The following USP6NL variants were observed in gnomAD, a reference collection of about 807,000 sequenced individuals.
USP6NL encodes the protein USP6 N-terminal-like protein.
Under a neutral mutation model 61.9 loss-of-function variants are expected in USP6NL, and 26 were observed. That is an observed-to-expected ratio of 0.42 (90% CI 0.31 to 0.58). The LOEUF is 0.58. Ranked by LOEUF, USP6NL falls within the 20% of genes least tolerant of loss-of-function variation. USP6NL has a pLI of 0.16. For synonymous variants in USP6NL, 432 were observed against 390.1 expected (o/e 1.11, Z -1.27); for missense variants, 1,114 against 1,034.3 (o/e 1.08, Z -1.06).
intron 1 of USP6NL, among the ~76,000 whole-genome samples, chr10:11,603,460 T>C (rs1412871393): frequency 6.6e-6 from 1 of 152,200 alleles, no homozygotes; most frequent in African/African-American, 2.4e-5. Context: ...AAAGTTAAAA[T>C]GAAGGATACA....
intron 14 of USP6NL, among the ~76,000 whole-genome samples, chr10:11,473,157 T>C (rs1832825427): frequency 6.6e-6 from 1 of 152,234 alleles, no homozygotes; most frequent in African/African-American, 2.4e-5. Context: ...CCCCAAAAAC[T>C]GCCTCAGGCT....
chr10:11,557,575 GA>G (rs1218202276), intron 2 of USP6NL, among the ~76,000 whole-genome samples: 1 of 152,194 alleles, frequency 6.6e-6, no homozygotes, highest in Admixed American at 6.5e-5. Context: ...GAAACCTGAC[GA>G]CAGTGGATTT....
Position 11,587,459 on chromosome 10 carries a change from C to T in USP6NL, c.4+10172G>A, listed in dbSNP as rs111415508. On this transcript the variant is annotated intron_variant, in intron 2 of 14. Coordinates refer to ENST00000609104, the MANE Select transcript of USP6NL (RefSeq NM_014688.5). This position sits in a 1 kb window ranked among gnomAD's most constrained non-coding sequence, Gnocchi z 4.5. ...TACTATAAGATGATAAGTATCCTGACATTTCATATTAAAATCTAATATGAC... is the reference window on the plus strand; with the variant it reads ...TACTATAAGATGATAAGTATCCTGATATTTCATATTAAAATCTAATATGAC... Among the ~76,000 whole-genome samples, 77 of 152,126 alleles carry T rather than the reference C, an allele frequency of 5.1e-4. No homozygotes were observed. Among genetic ancestry groups the T allele is most frequent in the African/African-American group, 1.8e-3 (74 of 41,434 alleles).
intron 14 of USP6NL, among the ~76,000 whole-genome samples, chr10:11,480,970 T>C (rs1307536178): frequency 6.6e-6 from 1 of 152,226 alleles, no homozygotes; most frequent in Non-Finnish European, 1.5e-5. Flanking sequence ...TTATTCCTCC[T>C]GTGATCTTTC....
At chr10:11,546,116 T>C (rs1051169782) in intron 2 of USP6NL, among the ~76,000 whole-genome samples, 2 of 152,230 alleles carry the variant, frequency 1.3e-5, no homozygotes, top group Admixed American at 6.5e-5. Flanking sequence ...TGTGCAAGGC[T>C]CTTTTTAAGT....
At position 11,568,176 on chromosome 10, in the gene USP6NL, C is replaced by T. The variant is rs372738094; in HGVS notation, c.4+29455G>A. ...GTGTGTGTGTGTGTGTGTGTGTGTG[C>T]GCGCGCGCGTGCTTGTATGCAAAGA... On this transcript the variant is annotated intron_variant, in intron 2 of 14. Transcript: ENST00000609104. Among the ~76,000 whole-genome samples the T allele has an allele frequency of 4.3e-4, 52 of 122,026 alleles. 1 individual carries two copies. Among genetic ancestry groups the T allele is most frequent in the Non-Finnish European group, 7.0e-4 (39 of 55,442 alleles). 80.1% of individuals were successfully genotyped at this position (122,026 alleles called of 152,430 possible). A position where few individuals can be genotyped will look rare whatever the true frequency, so the allele number is the denominator to read the frequency against.
At chr10:11,583,718 A>C (rs559145525) in intron 2 of USP6NL, among the ~76,000 whole-genome samples, 6 of 152,180 alleles carry the variant, frequency 3.9e-5, no homozygotes, top group Non-Finnish European at 5.9e-5. Flanking sequence ...ATCAAATAAC[A>C]TTATTAGTTT....
chr10:11,599,124 AACTG>A (rs1031789967), intron 1 of USP6NL, among the ~76,000 whole-genome samples: 4 of 152,236 alleles, frequency 2.6e-5, no homozygotes, highest in Non-Finnish European at 4.4e-5. Flanking sequence ...GATGGTGCTT[AACTG>A]ACTATTTAGA....
chr10:11,513,950 T>C lies in USP6NL; in HGVS notation c.196-4275A>G, dbSNP rs1834840513. Among the ~76,000 whole-genome samples, 3 of 152,342 alleles carry C rather than the reference T, an allele frequency of 2.0e-5. No homozygotes were observed. The highest frequency in any genetic ancestry group is 2.1e-4 in the South Asian group (1 of 4,828). On this transcript the variant is annotated intron_variant, in intron 5 of 14. Coordinates refer to ENST00000609104, the MANE Select transcript of USP6NL (RefSeq NM_014688.5). This position sits in a 1 kb window ranked among gnomAD's most constrained non-coding sequence, Gnocchi z 4.7. ...GGCCACACTATCTGGCTTTGTGTGA[T>C]TGGCTCCTCTGGATTTCAGCAGGAT...
At chr10:11,503,940 A>G (rs1834322754) in intron 6 of USP6NL, among the ~76,000 whole-genome samples, 1 of 152,188 alleles carries the variant, frequency 6.6e-6, no homozygotes, top group Non-Finnish European at 1.5e-5. Context: ...GCCCAGCTGG[A>G]CTTACTAAAA....
intron 1 of USP6NL, among the ~76,000 whole-genome samples, chr10:11,609,989 CA>C (rs2133699990): frequency 6.6e-6 from 1 of 152,240 alleles, no homozygotes; most frequent in South Asian, 2.1e-4. Flanking sequence ...AAGTAGGCAC[CA>C]AAACTGAGGC....
chr10:11,601,682 G>T (rs1276272835), intron 1 of USP6NL, among the ~76,000 whole-genome samples: 2 of 152,168 alleles, frequency 1.3e-5, no homozygotes, highest in African/African-American at 4.8e-5. Flanking sequence ...ATGCTTAAGA[G>T]GCCAAAAGAG....
intron 2 of USP6NL, among the ~76,000 whole-genome samples, chr10:11,542,828 G>T (rs1189533672): frequency 6.6e-6 from 1 of 152,146 alleles, no homozygotes; most frequent in Non-Finnish European, 1.5e-5. Context: ...AACAGGAATG[G>T]CTATTTGAAC....
chr10:11,514,245 C>T (rs961524842), intron 5 of USP6NL, among the ~76,000 whole-genome samples: 7 of 119,286 alleles, frequency 5.9e-5, no homozygotes, highest in African/African-American at 8.0e-5. Flanking sequence ...AATTATGGGG[C>T]GCATATCATG....
Position 11,462,417 on chromosome 10 carries a change from T to C in USP6NL, c.*24A>G. The C allele has an allele frequency of 6.2e-7, 1 of 1,602,234 alleles. No homozygotes were observed. Among genetic ancestry groups the C allele is most frequent in the South Asian group, 1.1e-5 (1 of 89,646 alleles). ...TAGGTTTCACGTGGTTTCTCTCTCG[T>C]CTTTAGCAAGTACACGTCAAATCTC... On this transcript the variant is annotated 3_prime_UTR_variant, in exon 15 of 15. Transcript: ENST00000609104.
chr10:11,462,990 G>A lies in USP6NL; in HGVS notation c.1938C>T (p.Phe646=), dbSNP rs1332745164. Residue 646 remains phenylalanine, a synonymous_variant, in exon 15 of 15, where the codon TTC becomes TTT. Transcript: ENST00000609104. ...AAGCAAAGCTGCTGTTGGCAGTAGG[G>A]AAGTGTTTGGGAGAGTTTCCGTGGT... ...PVYHGNSPKH[F]PTANSSFASP... The A allele has an allele frequency of 6.2e-7, 1 of 1,613,976 alleles. No individual in the cohort carries two copies. Among genetic ancestry groups the A allele is most frequent in the East Asian group, 2.2e-5 (1 of 44,888 alleles).
chr10:11,482,005 G>A lies in USP6NL; in HGVS notation c.926-83C>T, dbSNP rs1833219057. Reference sequence around the variant, plus strand: ...ATATTCTATTATATTCAGGTGTAGTGTAAAAGGGCATTAAAAAGGGCGCAA... The same window carrying A: ...ATATTCTATTATATTCAGGTGTAGTATAAAAGGGCATTAAAAAGGGCGCAA... On this transcript the variant is annotated intron_variant, in intron 13 of 14. Transcript: ENST00000609104. This position sits in a 1 kb window ranked among gnomAD's most constrained non-coding sequence, Gnocchi z 4.0. 5.1e-6 allele frequency: 7 copies of A among 1,376,608 alleles called. No individual in the cohort carries two copies. The highest frequency in any genetic ancestry group is 6.7e-6 in the Non-Finnish European group (7 of 1,041,762). 85.3% of individuals were successfully genotyped at this position (1,376,608 alleles called of 1,614,324 possible).
At position 11,589,778 on chromosome 10, in the gene USP6NL, A is replaced by G. The variant is rs1838100467; in HGVS notation, c.4+7853T>C. Among the ~76,000 whole-genome samples, 1 of 152,216 alleles carries G rather than the reference A, an allele frequency of 6.6e-6. No individual in the cohort carries two copies. Among genetic ancestry groups the G allele is most frequent in the Non-Finnish European group, 1.5e-5 (1 of 68,042 alleles). Reference sequence around the variant, plus strand: ...TGCCCCACAATATAAATGTTAATGAATATCTATTAGTGTCTGACTATAATC... The same window carrying G: ...TGCCCCACAATATAAATGTTAATGAGTATCTATTAGTGTCTGACTATAATC... On this transcript the variant is annotated intron_variant, in intron 2 of 14. Coordinates refer to ENST00000609104, the MANE Select transcript of USP6NL (RefSeq NM_014688.5). The surrounding 1 kb of genome is among the most constrained non-coding windows in gnomAD (Gnocchi z 4.7).
rs1160884864 is a variant in USP6NL at position 11,585,783 on chromosome 10, C to T, written c.4+11848G>A. ...TCTATATATACAAGGGAATATTATT[C>T]AGCCTTAAAAAGGAAGGTGATTCTG... On this transcript the variant is annotated intron_variant, in intron 2 of 14. Coordinates refer to ENST00000609104, the MANE Select transcript of USP6NL (RefSeq NM_014688.5). This position sits in a 1 kb window ranked among gnomAD's most constrained non-coding sequence, Gnocchi z 4.5. Among the ~76,000 whole-genome samples the T allele has an allele frequency of 2.6e-5, 4 of 152,244 alleles. No individual in the cohort carries two copies. Among genetic ancestry groups the T allele is most frequent in the Non-Finnish European group, 5.9e-5 (4 of 68,004 alleles).
Sources: allele counts gnomAD v4.1 joint callset (sites outside exome capture counted in the v4.1 genomes callset), GRCh38; gene constraint gnomAD v4.1.1; non-coding constraint Gnocchi (gnomAD v3.1); transcripts MANE v1.5; gene names NCBI Gene and HGNC (gene_info 2026-07-23, HGNC 2026-07-21).